The following CACNB2 variants were observed in gnomAD, a reference collection of about 807,000 sequenced individuals.
CACNB2 encodes voltage-dependent L-type calcium channel subunit beta-2.
In CACNB2, 42 loss-of-function variants were observed where a neutral mutation model predicts 73.3. That is an observed-to-expected ratio of 0.57 (90% CI 0.45 to 0.74). The LOEUF is 0.74. CACNB2 is among the 30% of genes least tolerant of loss of function. The probability of loss-of-function intolerance (pLI) is 0.00; values close to 1 mark genes in which losing one functional copy is unlikely to be tolerated. For synonymous variants in CACNB2, 348 were observed against 310.3 expected (o/e 1.12, Z -1.28); for missense variants, 940 against 853.0 (o/e 1.10, Z -1.27).
chr10:18,380,927 T>A (rs754898229), intron 2 of CACNB2, among the ~76,000 whole-genome samples: 2 of 152,084 alleles, frequency 1.3e-5, no homozygotes, highest in Non-Finnish European at 2.9e-5. Flanking sequence ...TCATACAATC[T>A]TGATCTTATA....
intron 10 of CACNB2, among the ~76,000 whole-genome samples, chr10:18,528,804 C>G (rs1354724355): frequency 6.6e-6 from 1 of 152,164 alleles, no homozygotes; most frequent in African/African-American, 2.4e-5. Flanking sequence ...AGTTAAAACT[C>G]TTTCCACACA....
intron 3 of CACNB2, among the ~76,000 whole-genome samples, chr10:18,415,774 C>T (rs983842501): frequency 3.3e-5 from 5 of 152,162 alleles, no homozygotes; most frequent in Admixed American, 2.6e-4. Flanking sequence ...TTTTCATCCT[C>T]ATAACCATTC....
chr10:18,276,555 C>T (rs916077502), intron 2 of CACNB2, among the ~76,000 whole-genome samples: 1 of 151,934 alleles, frequency 6.6e-6, no homozygotes, highest in African/African-American at 2.4e-5. Flanking sequence ...GCTCTGTAAT[C>T]CCAGAGCTTT....
At chr10:18,499,742 C>T (rs938730267) in intron 4 of CACNB2, among the ~76,000 whole-genome samples, 4 of 102,492 alleles carry the variant, frequency 3.9e-5, no homozygotes, top group East Asian at 3.4e-4. Context: ...TTTGGAAGGC[C>T]GAGGAAGGCA....
chr10:18,195,029 C>T (rs2034564878), intron 2 of CACNB2, among the ~76,000 whole-genome samples: 1 of 151,816 alleles, frequency 6.6e-6, no homozygotes. Flanking sequence ...ATTTTTTTTC[C>T]TTAGAGTTTA....
intron 2 of CACNB2, among the ~76,000 whole-genome samples, chr10:18,157,435 A>G (rs1157956875): frequency 1.3e-5 from 2 of 152,202 alleles, no homozygotes; most frequent in African/African-American, 2.4e-5. Flanking sequence ...ATCACTTGTA[A>G]TTTGTTTAGA....
At chr10:18,457,331 C>T (rs2047334992) in intron 3 of CACNB2, among the ~76,000 whole-genome samples, 1 of 152,074 alleles carries the variant, frequency 6.6e-6, no homozygotes, top group African/African-American at 2.4e-5. Flanking sequence ...CTCACAGTAT[C>T]CTCCTGCCTT....
At chr10:18,155,495 G>T (rs1324939036) in intron 2 of CACNB2, among the ~76,000 whole-genome samples, 2 of 152,196 alleles carry the variant, frequency 1.3e-5, no homozygotes, top group Non-Finnish European at 2.9e-5. Flanking sequence ...CCAGTTGAGG[G>T]AACTGAGATT....
At chr10:18,313,287 G>A (rs2040028808) in intron 2 of CACNB2, among the ~76,000 whole-genome samples, 1 of 149,816 alleles carries the variant, frequency 6.7e-6, no homozygotes, top group Non-Finnish European at 1.5e-5. Context: ...TCAGCACCGT[G>A]GCCATTTGGG....
chr10:18,308,836 A>T (rs1466163194), intron 2 of CACNB2, among the ~76,000 whole-genome samples: 2 of 152,174 alleles, frequency 1.3e-5, no homozygotes, highest in Non-Finnish European at 2.9e-5. Flanking sequence ...TTGGGTGAAC[A>T]AGTTGTCCCT....
chr10:18,277,506 A>G (rs2038350728), intron 2 of CACNB2, among the ~76,000 whole-genome samples: 1 of 152,250 alleles, frequency 6.6e-6, no homozygotes, highest in African/African-American at 2.4e-5. Flanking sequence ...TATATGATCA[A>G]CCAAGGAGAC....
intron 2 of CACNB2, among the ~76,000 whole-genome samples, chr10:18,163,711 G>A (rs561742234): frequency 4.6e-5 from 7 of 152,238 alleles, no homozygotes; most frequent in South Asian, 4.2e-4. Context: ...TTTTTCTACC[G>A]GTTTGGAACT....
intron 2 of CACNB2, among the ~76,000 whole-genome samples, chr10:18,324,889 A>G (rs1484808729): frequency 2.0e-5 from 3 of 152,168 alleles, no homozygotes; most frequent in African/African-American, 4.8e-5. Context: ...AAAACCTTAC[A>G]TGTGCCAGAC....
chr10:18,279,046 T>A (rs2038424743), intron 2 of CACNB2, among the ~76,000 whole-genome samples: 1 of 152,156 alleles, frequency 6.6e-6, no homozygotes, highest in South Asian at 2.1e-4. Flanking sequence ...ATGTTTTGGT[T>A]TGAAATTGAG....
At position 18,442,978 on chromosome 10, in the gene CACNB2, ATATATATG is replaced by A. The variant is rs1245043028; in HGVS notation, c.333+40943_333+40950del. 3.5e-3 allele frequency among the ~76,000 whole-genome samples: 78 copies of A among 22,312 alleles called. 6 individuals are homozygous for A. Among genetic ancestry groups the A allele is most frequent in the African/African-American group, 0.015 (36 of 2,370 alleles). 14.6% of individuals were successfully genotyped at this position (22,312 alleles called of 152,430 possible). On this transcript the variant is annotated intron_variant, in intron 3 of 13. Transcript: ENST00000324631. ...TATATGTATATATATATGTGTATATATATATATGTATATATATATGTGTATATATATAT... is the reference window on the plus strand; with the variant it reads ...TATATGTATATATATATGTGTATATATATATATATATGTGTATATATATAT...
chr10:18,220,461 C>T (rs1436692425), intron 2 of CACNB2, among the ~76,000 whole-genome samples: 2 of 151,324 alleles, frequency 1.3e-5, no homozygotes, highest in Non-Finnish European at 2.9e-5. Flanking sequence ...AGGGTTTCAC[C>T]ATGTTGGCCA....
At chr10:18,525,157 C>G (rs1340350237) in intron 9 of CACNB2, among the ~76,000 whole-genome samples, 3 of 151,754 alleles carry the variant, frequency 2.0e-5, no homozygotes, top group Non-Finnish European at 4.4e-5. Context: ...CTGGGACATT[C>G]TAGCCTGTTG....
At chr10:18,349,894 T>C (rs1402687827) in intron 2 of CACNB2, among the ~76,000 whole-genome samples, 1 of 152,218 alleles carries the variant, frequency 6.6e-6, no homozygotes, top group Non-Finnish European at 1.5e-5. Flanking sequence ...AACCCACCTG[T>C]ATTGCGCACG....
intron 2 of CACNB2, among the ~76,000 whole-genome samples, chr10:18,180,324 C>T (rs550454607): frequency 3.9e-5 from 6 of 152,206 alleles, no homozygotes; most frequent in African/African-American, 9.6e-5. Context: ...AAAGACTATT[C>T]GATCCATTGC....
Sources: gnomAD v4.1 joint callset for allele counts (sites outside exome capture counted in the v4.1 genomes callset) on GRCh38, gnomAD v4.1.1 for gene constraint, MANE v1.5 for transcripts, NCBI Gene and HGNC (gene_info 2026-07-23, HGNC 2026-07-21) for gene names.